The following PDGFD variants were observed in gnomAD, a reference collection of about 807,000 sequenced individuals.
PDGFD encodes the protein platelet derived growth factor D, also known as platelet-derived growth factor D.
A neutral mutation model predicts 44.7 loss-of-function variants in PDGFD; 30 were observed. That is an observed-to-expected ratio of 0.67 (90% CI 0.50 to 0.91). The LOEUF is 0.91. PDGFD is among the 40% of genes least tolerant of loss of function. The probability of loss-of-function intolerance (pLI) is 0.00; values close to 1 mark genes in which losing one functional copy is unlikely to be tolerated. For missense variants in PDGFD, 445 were observed against 457.8 expected (o/e 0.97, Z 0.25); for synonymous variants, 173 against 168.4 (o/e 1.03, Z -0.21).
Position 103,909,732 on chromosome 11 carries a change from G to T in PDGFD, c.1075C>A (p.Arg359=), listed in dbSNP as rs185084946. 1 of 1,613,992 alleles carries T rather than the reference G, an allele frequency of 6.2e-7. No individual in the cohort carries two copies. The highest frequency in any genetic ancestry group is 8.5e-7 in the Non-Finnish European group (1 of 1,179,876). Residue 359 remains arginine (R), a synonymous_variant, in exon 7 of 7, where the codon CGA becomes AGA. Coordinates refer to ENST00000393158, the MANE Select transcript of PDGFD (RefSeq NM_025208.5). ...CTTGAGCTGCAGATACAATCACATC[G>T]TTCATGGTGATCCAACTGGATGTCA... ...LVDIQLDHHE[R]CDCICSSRPP...
intron 1 of PDGFD, among the ~76,000 whole-genome samples, chr11:104,001,601 C>T (rs771970972): frequency 2.0e-5 from 3 of 152,158 alleles, no homozygotes; most frequent in Non-Finnish European, 4.4e-5. Flanking sequence ...GCCTAACTCC[C>T]GGTAGTTTTC....
intron 1 of PDGFD, among the ~76,000 whole-genome samples, chr11:104,057,312 T>C (rs1440855492): frequency 6.6e-6 from 1 of 152,144 alleles, no homozygotes; most frequent in Non-Finnish European, 1.5e-5. Context: ...TAAAATAATC[T>C]CAATGAAAAC....
intron 1 of PDGFD, among the ~76,000 whole-genome samples, chr11:104,142,259 ATG>A (rs1315480952): frequency 3.9e-5 from 6 of 152,112 alleles, no homozygotes; most frequent in East Asian, 1.9e-4. Flanking sequence ...CTATATAAAT[ATG>A]TGTGTGTGTA....
chr11:103,917,236 T>C (rs1252057363), intron 6 of PDGFD, among the ~76,000 whole-genome samples: 1 of 152,242 alleles, frequency 6.6e-6, no homozygotes, highest in East Asian at 1.9e-4. Flanking sequence ...TGTATATTAA[T>C]ACCTGTGTAT....
At chr11:104,047,107 A>AT (rs1379503541) in intron 1 of PDGFD, among the ~76,000 whole-genome samples, 1 of 147,280 alleles carries the variant, frequency 6.8e-6, no homozygotes, top group Non-Finnish European at 1.5e-5. Flanking sequence ...TCCATGGTAT[A>AT]TGTTTGCCAC....
chr11:104,032,558 A>G (rs1258961345), intron 1 of PDGFD, among the ~76,000 whole-genome samples: 1 of 152,122 alleles, frequency 6.6e-6, no homozygotes, highest in Non-Finnish European at 1.5e-5. Context: ...TTTTTCACTA[A>G]AAAGACAATT....
At chr11:104,130,336 C>T (rs890577137) in intron 1 of PDGFD, among the ~76,000 whole-genome samples, 1 of 152,078 alleles carries the variant, frequency 6.6e-6, no homozygotes, top group Admixed American at 6.6e-5. Flanking sequence ...AGAGCAGGGA[C>T]ATTGTAATGA....
chr11:103,910,050 C>G (rs533098406), intron 6 of PDGFD, among the ~76,000 whole-genome samples: 1 of 151,970 alleles, frequency 6.6e-6, no homozygotes, highest in East Asian at 1.9e-4. Flanking sequence ...CCCAGCATAA[C>G]TTACCTGAAG....
chr11:103,926,989 C>T lies in PDGFD; in HGVS notation c.910G>A (p.Gly304Arg). 1 of 1,614,216 alleles carries T rather than the reference C, an allele frequency of 6.2e-7. No homozygotes were observed. The highest frequency in any genetic ancestry group is 8.5e-7 in the Non-Finnish European group (1 of 1,180,024). Reference sequence around the variant, plus strand: ...TTGACAGTTCCACAGCCACAATTTCCTCCACAGCGCTGCACGAGGAGGCAA... The same window carrying T: ...TTGACAGTTCCACAGCCACAATTTCTTCCACAGCGCTGCACGAGGAGGCAA... ...PRCLLVQRCG[G>R]NCGCGTVNWR... The change falls in exon 6 of 7, where the codon GGA becomes AGA. Residue 304 changes from glycine to arginine, a missense_variant. Coordinates refer to ENST00000393158, the MANE Select transcript of PDGFD (RefSeq NM_025208.5).
At chr11:104,156,367 A>C (rs1409232326) in intron 1 of PDGFD, among the ~76,000 whole-genome samples, 4 of 152,040 alleles carry the variant, frequency 2.6e-5, no homozygotes, top group African/African-American at 9.7e-5. Flanking sequence ...AAAATAGATA[A>C]AATAAAATAA....
intron 1 of PDGFD, among the ~76,000 whole-genome samples, chr11:104,032,584 G>A (rs1197002208): frequency 1.3e-5 from 2 of 151,078 alleles, no homozygotes; most frequent in Non-Finnish European, 2.9e-5. Context: ...GCTTAGTACA[G>A]CAAGAGATAG....
intron 3 of PDGFD, among the ~76,000 whole-genome samples, chr11:103,984,457 G>A (rs2134353814): frequency 6.6e-6 from 1 of 151,382 alleles, no homozygotes; most frequent in African/African-American, 2.4e-5. Context: ...ATAACTAATG[G>A]GTACTAGGCT....
intron 3 of PDGFD, among the ~76,000 whole-genome samples, chr11:103,975,896 A>T (rs1226256520): frequency 6.6e-6 from 1 of 152,090 alleles, no homozygotes; most frequent in Non-Finnish European, 1.5e-5. Context: ...TGGTTACTCT[A>T]GCCTTGTAGT....
intron 3 of PDGFD, 105 bp downstream of exon 3, chr11:103,995,960 C>T (rs1341135908): frequency 9.3e-6 from 9 of 969,486 alleles, no homozygotes; most frequent in African/African-American, 1.7e-5. Flanking sequence ...TTATAAGGAA[C>T]TAATAAAGTT....
chr11:103,927,559 T>TTAG (rs147252442), intron 5 of PDGFD, among the ~76,000 whole-genome samples: 8,427 of 152,230 alleles, frequency 0.055, 620 homozygotes, highest in East Asian at 0.23. Context: ...CTAGGACACA[T>TTAG]TAGAGACAAC....
At chr11:103,992,458 T>C (rs1859471488) in intron 3 of PDGFD, among the ~76,000 whole-genome samples, 1 of 152,244 alleles carries the variant, frequency 6.6e-6, no homozygotes, top group African/African-American at 2.4e-5. Flanking sequence ...ATTATCATTT[T>C]AAAATTTTAT....
chr11:104,102,749 T>C (rs926125210), intron 1 of PDGFD, among the ~76,000 whole-genome samples: 1 of 151,982 alleles, frequency 6.6e-6, no homozygotes, highest in African/African-American at 2.4e-5. Flanking sequence ...TATGCAGCCA[T>C]AAAAAAGGAT....
intron 1 of PDGFD, among the ~76,000 whole-genome samples, chr11:104,154,717 G>A (rs538051750): frequency 2.6e-5 from 4 of 152,160 alleles, no homozygotes; most frequent in African/African-American, 9.7e-5. Flanking sequence ...TAGGTTAAAG[G>A]AATTATAAAA....
chr11:104,101,485 A>G (rs1861379625), intron 1 of PDGFD, among the ~76,000 whole-genome samples: 1 of 151,954 alleles, frequency 6.6e-6, no homozygotes, highest in Admixed American at 6.6e-5. Flanking sequence ...CAATATCGTG[A>G]AAATGGTCAT....
Sources: gnomAD v4.1 joint callset for allele counts (sites outside exome capture counted in the v4.1 genomes callset) on GRCh38, gnomAD v4.1.1 for gene constraint, MANE v1.5 for transcripts, NCBI Gene and HGNC (gene_info 2026-07-23, HGNC 2026-07-21) for gene names.